Variants in MTUS2 observed in about 807,000 individuals in gnomAD.
MTUS2 encodes microtubule-associated tumor suppressor candidate 2.
Under a neutral mutation model 114.1 loss-of-function variants are expected in MTUS2, and 40 were observed. The observed-to-expected ratio is 0.35, with a 90% CI of 0.27 to 0.46. The LOEUF (loss-of-function observed/expected upper bound fraction) is 0.46, where lower values mean the gene tolerates loss of function less well. Among genes scored for constraint, MTUS2 ranks in the 20% least tolerant of loss-of-function variants. The pLI is 1.00. For missense variants in MTUS2, 1,679 were observed against 1,705.4 expected, an observed-to-expected ratio of 0.98 and a Z score of 0.27; for synonymous variants, 688 against 672.0, an observed-to-expected ratio of 1.02 and a Z score of -0.37.
chr13:29,439,919 CAT>C (rs1593445260), intron 8 of MTUS2, 62 bp from the exon 9 acceptor site: 2 of 1,200,736 alleles, frequency 1.7e-6, no homozygotes, highest in East Asian at 2.5e-5. Flanking sequence ...ATTAATTAAT[CAT>C]GTGAAAGTGC....
chr13:29,202,105 C>T (rs1894983206), intron 5 of MTUS2, among the ~76,000 whole-genome samples: 1 of 151,958 alleles, frequency 6.6e-6, no homozygotes, highest in African/African-American at 2.4e-5. Context: ...GTGTTTTCCA[C>T]CTTGGTTCCA....
intron 5 of MTUS2, among the ~76,000 whole-genome samples, chr13:29,201,285 A>G (rs967295755): frequency 7.4e-5 from 11 of 148,834 alleles, no homozygotes; most frequent in Admixed American, 5.3e-4. Context: ...GCCTTTTTTG[A>G]TCTTTGTTGG....
chr13:28,843,350 G>A (rs1875640049), intron 2 of MTUS2, among the ~76,000 whole-genome samples: 2 of 152,250 alleles, frequency 1.3e-5, no homozygotes, highest in South Asian at 4.2e-4. Context: ...ACCCAGCGGT[G>A]TGTACATCTT....
At chr13:29,105,414 A>G (rs554642732) in intron 5 of MTUS2, among the ~76,000 whole-genome samples, 4 of 152,360 alleles carry the variant, frequency 2.6e-5, no homozygotes, top group East Asian at 1.9e-4. Flanking sequence ...GGAAGATCCT[A>G]TGTCATTATG....
At chr13:29,256,152 T>A (rs534849988) in intron 5 of MTUS2, among the ~76,000 whole-genome samples, 7 of 152,286 alleles carry the variant, frequency 4.6e-5, no homozygotes, top group Non-Finnish European at 8.8e-5. Context: ...ACCGACATGA[T>A]AAATCAGACA....
intron 10 of MTUS2, among the ~76,000 whole-genome samples, chr13:29,486,462 G>A (rs556848139): frequency 2.0e-5 from 3 of 152,294 alleles, no homozygotes; most frequent in Admixed American, 6.5e-5. Context: ...TCTCCATTCA[G>A]ATCAAAGGTT....
At chr13:28,894,433 G>T (rs371152321) in intron 2 of MTUS2, among the ~76,000 whole-genome samples, 1 of 151,754 alleles carries the variant, frequency 6.6e-6, no homozygotes, top group South Asian at 2.1e-4. Flanking sequence ...TCTGCAAGCC[G>T]GGAAGGGGGT....
Position 29,021,052 on chromosome 13 carries a change from A to G in MTUS2, c.-242-3405A>G, listed in dbSNP as rs565369023. On this transcript the variant is annotated intron_variant, in intron 2 of 15. Transcript: ENST00000612955. ...GAGGCCAAGATAGGAGGATCACTTG[A>G]GGCCAGGAGTTTGAGACTAGTCTGG... Among the ~76,000 whole-genome samples, 5 of 152,302 alleles carry G rather than the reference A, an allele frequency of 3.3e-5. No homozygotes were observed. The South Asian group carries it at 1.0e-3, about 32-fold the overall frequency.
intron 5 of MTUS2, among the ~76,000 whole-genome samples, chr13:29,176,867 T>C (rs952321814): frequency 3.3e-5 from 5 of 151,156 alleles, no homozygotes; most frequent in African/African-American, 1.2e-4. Flanking sequence ...CCTGCATCCC[T>C]CCTCCCTCCT....
chr13:29,482,478 C>T (rs1881265818), intron 10 of MTUS2: 1 of 152,142 alleles, frequency 6.6e-6, no homozygotes, highest in Non-Finnish European at 1.5e-5. Context: ...GTATGAGAGC[C>T]CTGCGCTCTG....
At chr13:29,169,783 C>T (rs1364154965) in intron 5 of MTUS2, among the ~76,000 whole-genome samples, 3 of 152,174 alleles carry the variant, frequency 2.0e-5, no homozygotes, top group Non-Finnish European at 2.9e-5. Context: ...GGGTTGCCCT[C>T]TTACTGCATA....
intron 2 of MTUS2, among the ~76,000 whole-genome samples, chr13:28,942,439 A>G (rs760869913): frequency 5.9e-5 from 9 of 152,256 alleles, no homozygotes; most frequent in Non-Finnish European, 1.0e-4. Flanking sequence ...TGCATGCCTT[A>G]TAGACTAGTA....
intron 5 of MTUS2, among the ~76,000 whole-genome samples, chr13:29,145,831 C>A (rs528347861): frequency 1.3e-5 from 2 of 152,238 alleles, no homozygotes; most frequent in Admixed American, 6.5e-5. Context: ...TGCATAATTA[C>A]AATAGCAAGA....
rs201834040 is a variant in MTUS2 at position 29,305,994 on chromosome 13, A to C, written c.2807-18619A>C. ...AGGTTGGTTCAACATATGCAAATCA[A>C]TAAATGTGATTCATCACATCAATGG... On this transcript the variant is annotated intron_variant, in intron 6 of 15. Coordinates refer to ENST00000612955, the MANE Select transcript of MTUS2 (RefSeq NM_001033602.4). Among the ~76,000 whole-genome samples the C allele has an allele frequency of 1.1e-4, 16 of 152,366 alleles. No homozygotes were observed. In the East Asian group the frequency reaches 3.1e-3, roughly 29 times the overall value.
chr13:29,410,111 C>A (rs1217875811), intron 8 of MTUS2, among the ~76,000 whole-genome samples: 1 of 139,598 alleles, frequency 7.2e-6, no homozygotes, highest in South Asian at 2.5e-4. Context: ...CCTTGCCCAT[C>A]GAATATGCTG....
chr13:29,420,242 T>A (rs115568810), intron 8 of MTUS2, among the ~76,000 whole-genome samples: 1,692 of 147,506 alleles, frequency 0.011, 9 homozygotes, highest in African/African-American at 0.03. Flanking sequence ...TAACTTACTT[T>A]CTTTCTTTCT....
intron 2 of MTUS2, among the ~76,000 whole-genome samples, chr13:28,986,949 G>T (rs1362638395): frequency 6.6e-6 from 1 of 152,222 alleles, no homozygotes; most frequent in Non-Finnish European, 1.5e-5. Context: ...CTCACAGAAA[G>T]TTGGCTGGAC....
intron 5 of MTUS2, among the ~76,000 whole-genome samples, chr13:29,174,475 A>G (rs1893688620): frequency 6.6e-6 from 1 of 152,188 alleles, no homozygotes; most frequent in Non-Finnish European, 1.5e-5. Flanking sequence ...GTCCATACTG[A>G]ATTACGGAAT....
intron 5 of MTUS2, among the ~76,000 whole-genome samples, chr13:29,102,317 ATCATATGATATATATCTTTCCAAC>A (rs1348484040): frequency 6.6e-6 from 1 of 152,192 alleles, no homozygotes; most frequent in African/African-American, 2.4e-5. Flanking sequence ...GGAAAAACTT[ATCATATGATATATATCTTTCCAAC>A]AAAGGAGTTA....
Sources: gnomAD v4.1 joint callset for allele counts (sites outside exome capture counted in the v4.1 genomes callset) on GRCh38, gnomAD v4.1.1 for gene constraint, MANE v1.5 for transcripts, NCBI Gene and HGNC (gene_info 2026-07-23, HGNC 2026-07-21) for gene names.